ANO4: variants seen among roughly 807,000 people sequenced by gnomAD.
The protein encoded by ANO4 is anoctamin-4.
In ANO4, 69 loss-of-function variants were observed where a neutral mutation model predicts 141.9. The ratio of observed to expected loss-of-function variants is 0.49; its 90% CI spans 0.40 to 0.59. ANO4 has a LOEUF of 0.59. ANO4 is among the 20% of genes least tolerant of loss of function. The probability of loss-of-function intolerance (pLI) is 0.00; values close to 1 mark genes in which losing one functional copy is unlikely to be tolerated. For missense variants in ANO4, 894 were observed against 1,162.2 expected (o/e 0.77, Z 3.36); for synonymous variants, 350 against 394.3 (o/e 0.89, Z 1.33).
intron 1 of ANO4, among the ~76,000 whole-genome samples, chr12:100,829,144 G>A: frequency 6.6e-6 from 1 of 152,136 alleles, no homozygotes; most frequent in East Asian, 1.9e-4. Context: ...AATTAGTAGA[G>A]GGAAAAGCTG....
At chr12:101,103,215 A>AG in intron 22 of ANO4, among the ~76,000 whole-genome samples, 1 of 85,098 alleles carries the variant, frequency 1.2e-5, no homozygotes, top group South Asian at 4.8e-4. Flanking sequence ...ATATATATAT[A>AG]TATATATATA....
At chr12:101,048,275 G>C (rs958060321) in intron 13 of ANO4, 66 bp from the exon 14 acceptor site, 1 of 1,541,748 alleles carries the variant, frequency 6.5e-7, no homozygotes, top group Admixed American at 1.7e-5. Context: ...TACAGAACTT[G>C]AAAAAATTTG....
At chr12:101,013,745 C>A (rs1240682863) in intron 8 of ANO4, among the ~76,000 whole-genome samples, 1 of 152,064 alleles carries the variant, frequency 6.6e-6, no homozygotes, top group East Asian at 1.9e-4. Flanking sequence ...TACATGAGTA[C>A]CATATTGGAT....
Position 101,116,660 on chromosome 12 carries a change from A to G in ANO4, c.2451-19A>G. On this transcript the variant is annotated intron_variant, in intron 24 of 27. Coordinates refer to ENST00000392977, the MANE Select transcript of ANO4 (RefSeq NM_001286615.2). ...AAGGTGATGAGTGTTCTAATGGTAGAATGTGCCTCCTCTTATAGGTGCATG... is the reference window on the plus strand; with the variant it reads ...AAGGTGATGAGTGTTCTAATGGTAGGATGTGCCTCCTCTTATAGGTGCATG... The G allele has an allele frequency of 6.2e-7, 1 of 1,614,100 alleles. No homozygotes were observed.
chr12:100,902,215 A>G (rs2040626859), intron 2 of ANO4, among the ~76,000 whole-genome samples: 1 of 152,164 alleles, frequency 6.6e-6, no homozygotes, highest in African/African-American at 2.4e-5. Context: ...GCCAAAAAAC[A>G]CCCACTTTGA....
chr12:100,855,321 G>A (rs959323410), intron 1 of ANO4, among the ~76,000 whole-genome samples: 3 of 151,938 alleles, frequency 2.0e-5, no homozygotes, highest in African/African-American at 4.8e-5. Context: ...ACAACTTTAT[G>A]CTAACATCAG....
chr12:100,998,368 T>C (rs2045482190), intron 8 of ANO4, among the ~76,000 whole-genome samples: 1 of 136,970 alleles, frequency 7.3e-6, no homozygotes, highest in South Asian at 2.4e-4. Context: ...TAATACTTAA[T>C]AAACTCCCCT....
intron 9 of ANO4, among the ~76,000 whole-genome samples, chr12:101,024,990 G>C (rs1327080509): frequency 2.0e-5 from 3 of 152,182 alleles, no homozygotes; most frequent in African/African-American, 7.2e-5. Flanking sequence ...AGGATCTAAA[G>C]CATAGGTAGC....
intron 3 of ANO4, among the ~76,000 whole-genome samples, chr12:100,924,902 A>C (rs976469383): frequency 1.3e-5 from 2 of 152,080 alleles, no homozygotes; most frequent in Non-Finnish European, 1.5e-5. Context: ...CTTAGTAAAG[A>C]CGTGTGTATC....
At chr12:100,808,677 T>C (rs1245363227) in intron 1 of ANO4, among the ~76,000 whole-genome samples, 1 of 152,200 alleles carries the variant, frequency 6.6e-6, no homozygotes, top group Non-Finnish European at 1.5e-5. Flanking sequence ...TGCAGAGGTA[T>C]TGAGGAGTGA....
chr12:100,821,058 C>T (rs142401473), intron 1 of ANO4, among the ~76,000 whole-genome samples: 48 of 152,126 alleles, frequency 3.2e-4, no homozygotes, highest in African/African-American at 1.0e-3. Flanking sequence ...TGATGGTTGT[C>T]GAAACTAAAG....
chr12:100,942,294 A>C, intron 4 of ANO4, 83 bp from the exon 5 acceptor site: 1 of 1,488,292 alleles, frequency 6.7e-7, no homozygotes, highest in African/African-American at 1.4e-5. Context: ...AAAGTTATTT[A>C]GTTTTAATTG....
At chr12:101,094,360 T>G in intron 18 of ANO4, 68 bp downstream of exon 18, 1 of 1,313,620 alleles carries the variant, frequency 7.6e-7, no homozygotes, top group Non-Finnish European at 1.1e-6. Context: ...AAAGATTCCT[T>G]TCTCTAATAC....
intron 7 of ANO4, among the ~76,000 whole-genome samples, chr12:100,981,439 GA>G (rs2044454841): frequency 8.0e-6 from 1 of 124,498 alleles, no homozygotes; most frequent in African/African-American, 2.7e-5. Flanking sequence ...GAAAAGGAGG[GA>G]AGGAAGGAAG....
chr12:100,723,141 G>T (rs1167518881), intron 1 of ANO4, among the ~76,000 whole-genome samples: 1 of 152,130 alleles, frequency 6.6e-6, no homozygotes, highest in African/African-American at 2.4e-5. Flanking sequence ...AAATTTCTTT[G>T]TGGGGTAAAA....
intron 5 of ANO4, 119 bp downstream of exon 5, chr12:100,942,654 C>A: frequency 1.8e-6 from 2 of 1,128,220 alleles, no homozygotes; most frequent in Non-Finnish European, 2.4e-6. Flanking sequence ...CAGAGTTTTC[C>A]AGTCTTCAGA....
intron 8 of ANO4, among the ~76,000 whole-genome samples, chr12:101,019,158 A>G (rs2046423399): frequency 6.6e-6 from 1 of 152,186 alleles, no homozygotes; most frequent in Non-Finnish European, 1.5e-5. Flanking sequence ...TGTCCAGCTT[A>G]TAGGAGGTGC....
At chr12:101,016,511 C>T (rs917903527) in intron 8 of ANO4, among the ~76,000 whole-genome samples, 34 of 152,208 alleles carry the variant, frequency 2.2e-4, no homozygotes, top group African/African-American at 8.2e-4. Context: ...CTGGGGATTC[C>T]ATTTCAAAAT....
At chr12:100,966,689 C>G (rs987140383) in intron 5 of ANO4, among the ~76,000 whole-genome samples, 2 of 152,024 alleles carry the variant, frequency 1.3e-5, no homozygotes, top group African/African-American at 4.8e-5. Context: ...CCCCCATCCC[C>G]CATGCCCAAA....
Sources: gnomAD v4.1 joint callset for allele counts (sites outside exome capture counted in the v4.1 genomes callset) on GRCh38, gnomAD v4.1.1 for gene constraint, MANE v1.5 for transcripts, NCBI Gene and HGNC (gene_info 2026-07-23, HGNC 2026-07-21) for gene names.